The following SFMBT2 variants were observed in gnomAD, a reference collection of about 807,000 sequenced individuals.
The protein encoded by SFMBT2 is Scm like with four mbt domains 2.
A neutral mutation model predicts 110.1 loss-of-function variants in SFMBT2; 38 were observed. The observed-to-expected ratio is 0.35, with a 90% CI of 0.27 to 0.45. The LOEUF (loss-of-function observed/expected upper bound fraction) is 0.45, where lower values mean the gene tolerates loss of function less well. SFMBT2 is among the 20% of genes least tolerant of loss of function. The probability of loss-of-function intolerance (pLI) is 1.00; values close to 1 mark genes in which losing one functional copy is unlikely to be tolerated. For missense variants in SFMBT2, 1,011 were observed against 1,094.9 expected, an observed-to-expected ratio of 0.92 and a Z score of 1.08; for synonymous variants, 425 against 425.4, an observed-to-expected ratio of 1.00 and a Z score of 0.01.
In SFMBT2 at chr10:7,410,987, GC is replaced by G. The variant is rs1846364137; in HGVS notation, c.-179del. Among the ~76,000 whole-genome samples the G allele has an allele frequency of 6.8e-6, 1 of 147,984 alleles. No individual in the cohort carries two copies. Among genetic ancestry groups the G allele is most frequent in the South Asian group, 2.1e-4 (1 of 4,694 alleles). On this transcript the variant is annotated 5_prime_UTR_variant, in exon 1 of 21. An upstream open reading frame in the 5' UTR gains an earlier in-frame stop. Coordinates refer to ENST00000397167, the MANE Select transcript of SFMBT2 (RefSeq NM_001387889.1). ...TCGCTCCCCGCCCGCCGCCTCCCTC[GC>G]GCGCCCGCTCCGGTCCTCCGGCTCC...
chr10:7,377,968 G>GCA (rs56345935), intron 2 of SFMBT2, among the ~76,000 whole-genome samples: 1 of 29,982 alleles, frequency 3.3e-5, no homozygotes, highest in Non-Finnish European at 9.7e-5. Context: ...TGTGGGGGGG[G>GCA]GTTGTGTGTG....
At chr10:7,214,268 G>T (rs982637869) in intron 11 of SFMBT2, among the ~76,000 whole-genome samples, 3 of 152,246 alleles carry the variant, frequency 2.0e-5, no homozygotes, top group Admixed American at 6.5e-5. Flanking sequence ...GGCCACTGCA[G>T]CAGGTGAAGA....
chr10:7,172,692 G>A lies in SFMBT2; in HGVS notation c.1985-31C>T, dbSNP rs1210344274. 1 of 1,595,626 alleles carries A rather than the reference G, an allele frequency of 6.3e-7. No individual in the cohort carries two copies. Among genetic ancestry groups the A allele is most frequent in the African/African-American group, 1.3e-5 (1 of 74,156 alleles). Reference sequence around the variant, plus strand: ...GGAAGGAAGATGAGAAACTTTTGAAGGCTATACACACACACAGACATGAAC... The same window carrying A: ...GGAAGGAAGATGAGAAACTTTTGAAAGCTATACACACACACAGACATGAAC... On this transcript the variant is annotated intron_variant, in intron 17 of 20. Transcript: ENST00000397167. The surrounding 1 kb of genome is among the most constrained non-coding windows in gnomAD (Gnocchi z 4.6).
intron 7 of SFMBT2, among the ~76,000 whole-genome samples, chr10:7,254,865 G>A (rs549875628): frequency 6.6e-6 from 1 of 152,246 alleles, no homozygotes; most frequent in South Asian, 2.1e-4. Flanking sequence ...GTGGATTTAT[G>A]CATGGAGACT....
chr10:7,234,190 C>T (rs190801750), intron 9 of SFMBT2, among the ~76,000 whole-genome samples: 123 of 151,700 alleles, frequency 8.1e-4, no homozygotes, highest in Non-Finnish European at 1.4e-3. Context: ...TGTGTTTTTA[C>T]GTTCATGGAA....
chr10:7,289,859 C>T (rs1390223433), intron 4 of SFMBT2, among the ~76,000 whole-genome samples: 1 of 152,172 alleles, frequency 6.6e-6, no homozygotes, highest in East Asian at 1.9e-4. Context: ...TAAAAGTTGC[C>T]TTGCAAGTCC....
intron 9 of SFMBT2, among the ~76,000 whole-genome samples, chr10:7,235,136 A>G (rs1840216853): frequency 6.6e-6 from 1 of 152,232 alleles, no homozygotes; most frequent in African/African-American, 2.4e-5. Flanking sequence ...TCAGCCACTC[A>G]TTCCTTGAAT....
chr10:7,222,086 T>C (rs1355929043), intron 10 of SFMBT2, among the ~76,000 whole-genome samples: 2 of 152,250 alleles, frequency 1.3e-5, no homozygotes, highest in African/African-American at 4.8e-5. Flanking sequence ...CTGTAAGTCA[T>C]GTAAATGGAC....
intron 2 of SFMBT2, among the ~76,000 whole-genome samples, chr10:7,375,709 A>C (rs1009656933): frequency 6.7e-6 from 1 of 150,218 alleles, no homozygotes; most frequent in African/African-American, 2.5e-5. Flanking sequence ...TGACTCATCC[A>C]ACTACCCGAT....
Position 7,171,443 on chromosome 10 carries a change from G to C in SFMBT2, c.2416-387C>G. On this transcript the variant is annotated intron_variant, in intron 19 of 20. Transcript: ENST00000397167. This position sits in a 1 kb window ranked among gnomAD's most constrained non-coding sequence, Gnocchi z 4.9. ...TGTTTCTGTAATGGTGGTGCCAGTG[G>C]CCCTTTCTGCTGATCTCACACCACC... The C allele has an allele frequency of 1.0e-6, 1 of 985,398 alleles. No homozygotes were observed. The highest frequency in any genetic ancestry group is 1.2e-6 in the Non-Finnish European group (1 of 829,918). 61.0% of individuals were successfully genotyped at this position (985,398 alleles called of 1,614,324 possible). A position where few individuals can be genotyped will look rare whatever the true frequency, so the allele number is the denominator to read the frequency against.
intron 4 of SFMBT2, among the ~76,000 whole-genome samples, chr10:7,317,847 G>A (rs1323442933): frequency 6.6e-6 from 1 of 152,102 alleles, no homozygotes; most frequent in Non-Finnish European, 1.5e-5. Context: ...AACCCCTGGT[G>A]GGCGTCATTT....
chr10:7,227,347 C>T (rs75604594), intron 10 of SFMBT2, among the ~76,000 whole-genome samples: 2,657 of 152,338 alleles, frequency 0.017, 59 homozygotes, highest in African/African-American at 0.058. Flanking sequence ...GTCCTCTTCA[C>T]TCCAGAGTTC....
intron 10 of SFMBT2, among the ~76,000 whole-genome samples, chr10:7,227,020 C>G (rs923717014): frequency 6.6e-6 from 1 of 152,136 alleles, no homozygotes; most frequent in Non-Finnish European, 1.5e-5. Context: ...AAACGACCTC[C>G]AATAACTCTG....
intron 7 of SFMBT2, among the ~76,000 whole-genome samples, chr10:7,274,186 T>G (rs1841693991): frequency 6.6e-6 from 1 of 152,192 alleles, no homozygotes; most frequent in Admixed American, 6.5e-5. Flanking sequence ...ACCCCTCGTC[T>G]TCTTAAGATT....
intron 11 of SFMBT2, chr10:7,214,666 T>C (rs1232850149): frequency 1.9e-5 from 19 of 985,386 alleles, no homozygotes; most frequent in Non-Finnish European, 2.3e-5. Flanking sequence ...CTTGTCAGTG[T>C]GGAATGTGAA....
At chr10:7,407,535 G>T (rs1846252698) in intron 1 of SFMBT2, among the ~76,000 whole-genome samples, 1 of 152,244 alleles carries the variant, frequency 6.6e-6, no homozygotes, top group East Asian at 1.9e-4. Context: ...GTTGGTGCGC[G>T]GGGCCCCGGA....
chr10:7,269,735 T>TGG (rs1841518996), intron 7 of SFMBT2, among the ~76,000 whole-genome samples: 1 of 151,166 alleles, frequency 6.6e-6, no homozygotes, highest in African/African-American at 2.4e-5. Flanking sequence ...TGTGTGTGTG[T>TGG]GTGTGTGTGT....
At chr10:7,360,918 G>A (rs955174796) in intron 4 of SFMBT2, among the ~76,000 whole-genome samples, 2 of 152,072 alleles carry the variant, frequency 1.3e-5, no homozygotes, top group African/African-American at 4.8e-5. Flanking sequence ...CATCAAAAAT[G>A]GCTTTTTGAC....
At chr10:7,337,835 CT>C (rs1843764353) in intron 4 of SFMBT2, among the ~76,000 whole-genome samples, 1 of 152,200 alleles carries the variant, frequency 6.6e-6, no homozygotes, top group Non-Finnish European at 1.5e-5. Flanking sequence ...CAGATTCAGT[CT>C]ATAACACTTG....
Sources: gnomAD v4.1 joint callset for allele counts (sites outside exome capture counted in the v4.1 genomes callset) on GRCh38, gnomAD v4.1.1 for gene constraint, Gnocchi (gnomAD v3.1) non-coding constraint, MANE v1.5 for transcripts, NCBI Gene and HGNC (gene_info 2026-07-23, HGNC 2026-07-21) for gene names.